Variants in RXFP1 observed in about 807,000 individuals in gnomAD.
The protein encoded by RXFP1 is relaxin receptor 1.
A neutral mutation model predicts 89.8 loss-of-function variants in RXFP1; 73 were observed. That is an observed-to-expected ratio of 0.81 (90% confidence interval 0.67 to 0.99). The LOEUF is 0.99. RXFP1 is among the 50% of genes least tolerant of loss of function. The pLI, the probability that RXFP1 is intolerant of heterozygous loss-of-function variation, is 0.00. For synonymous variants in RXFP1, 277 were observed against 305.5 expected (o/e 0.91, Z 0.97); for missense variants, 793 against 895.5 (o/e 0.89, Z 1.46).
intron 9 of RXFP1, 34 bp downstream of exon 9, chr4:158,617,239 C>G (rs769492012): frequency 6.7e-7 from 1 of 1,502,800 alleles, no homozygotes; most frequent in South Asian, 1.2e-5. Context: ...AAGAACTCAA[C>G]TAAATTTTCT....
chr4:158,646,823 G>A lies in RXFP1; in HGVS notation c.1378G>A (p.Val460Met), dbSNP rs201135183. 76 of 1,613,388 alleles carry A rather than the reference G, an allele frequency of 4.7e-5. No individual in the cohort carries two copies. The highest frequency in any genetic ancestry group is 3.2e-4 in the African/African-American group (24 of 75,018). ...ADCLMGIYLFVIGGFDLKFRG... is the reference protein window; with the variant it reads ...ADCLMGIYLFMIGGFDLKFRG... ...CTGCTTAATGGGAATATATTTATTC[G>A]TGATCGGAGGCTTTGACCTAAAGTT... Residue 460 changes from valine (V) to methionine (M), a missense_variant, in exon 16 of 18, where the codon GTG becomes ATG. Physicochemically the swap from Val to Met is conservative, Grantham distance 21. Transcript: ENST00000307765.
At chr4:158,601,773 C>T (rs532794692) in intron 4 of RXFP1, among the ~76,000 whole-genome samples, 3 of 152,240 alleles carry the variant, frequency 2.0e-5, no homozygotes, top group South Asian at 4.2e-4. Context: ...AGCTAATACT[C>T]CAAGTAATGT....
rs570646566 is a variant in RXFP1 at position 158,605,409 on chromosome 4, G to A, written c.464+270G>A. ...TCCTCCTACCACAATCCCCCAAAAC[G>A]GAGATACTTAGAAGCTTTTATCCTC... On this transcript the variant is annotated intron_variant, in intron 5 of 17. Coordinates refer to ENST00000307765, the MANE Select transcript of RXFP1 (RefSeq NM_021634.4). 1.6e-4 allele frequency among the ~76,000 whole-genome samples: 25 copies of A among 152,228 alleles called. No individual in the cohort carries two copies. The South Asian group carries it at 4.6e-3, about 28-fold the overall frequency.
At chr4:158,555,422 G>T (rs1561002427) in intron 1 of RXFP1, among the ~76,000 whole-genome samples, 1 of 152,128 alleles carries the variant, frequency 6.6e-6, no homozygotes, top group Non-Finnish European at 1.5e-5. Flanking sequence ...TATGAAAAGG[G>T]TGCAATTTAC....
chr4:158,601,007 A>G (rs1761572523), intron 4 of RXFP1, among the ~76,000 whole-genome samples: 3 of 152,246 alleles, frequency 2.0e-5, no homozygotes, highest in East Asian at 3.9e-4. Context: ...TTCAACCAAC[A>G]TTTGTAAAAT....
intron 6 of RXFP1, among the ~76,000 whole-genome samples, chr4:158,609,927 C>T (rs956041633): frequency 5.3e-5 from 8 of 152,140 alleles, no homozygotes; most frequent in Non-Finnish European, 8.8e-5. Context: ...AAAGTGTCCT[C>T]CCTCTCTTTT....
At chr4:158,565,918 AT>A (rs1386403161) in intron 1 of RXFP1, among the ~76,000 whole-genome samples, 5 of 152,362 alleles carry the variant, frequency 3.3e-5, no homozygotes, top group Admixed American at 1.3e-4. Flanking sequence ...ACTTGTGTGA[AT>A]TTTATGCCAA....
chr4:158,598,408 A>C (rs578025359), intron 3 of RXFP1, among the ~76,000 whole-genome samples: 1 of 152,230 alleles, frequency 6.6e-6, no homozygotes, highest in East Asian at 1.9e-4. Flanking sequence ...TGACCGCTGG[A>C]GACACTGGAG....
In RXFP1 at chr4:158,612,187, C is replaced by T. The variant is rs968777542; in HGVS notation, c.594C>T (p.His198=). 6.2e-7 allele frequency: 1 copy of T among 1,611,780 alleles called. No homozygotes were observed. The highest frequency in any genetic ancestry group is 1.3e-5 in the African/African-American group (1 of 74,848). ...AGCCGGGTGTTTTTGAAGATCTTCACAGACTAGAATGGCTGTATGTTTAAT... is the reference window on the plus strand; with the variant it reads ...AGCCGGGTGTTTTTGAAGATCTTCATAGACTAGAATGGCTGTATGTTTAAT... ...FLKPGVFEDL[H]RLEWLIIEDN... Residue 198 remains histidine (H), a synonymous_variant, in exon 7 of 18, where the codon CAC becomes CAT. Transcript: ENST00000307765.
intron 9 of RXFP1, among the ~76,000 whole-genome samples, chr4:158,621,409 A>G (rs1765614009): frequency 6.6e-6 from 1 of 152,222 alleles, no homozygotes; most frequent in Non-Finnish European, 1.5e-5. Flanking sequence ...CCAATATTGT[A>G]TGGTAAAGAG....
chr4:158,628,398 G>A (rs541116433), intron 10 of RXFP1, among the ~76,000 whole-genome samples: 11 of 152,190 alleles, frequency 7.2e-5, no homozygotes, highest in South Asian at 2.1e-4. Flanking sequence ...ACCATTTCTC[G>A]TGCAAAGCTC....
At chr4:158,640,403 TTG>T (rs1252699156) in intron 14 of RXFP1, among the ~76,000 whole-genome samples, 2 of 152,216 alleles carry the variant, frequency 1.3e-5, no homozygotes, top group East Asian at 3.9e-4. Flanking sequence ...GTTCTGTAAG[TTG>T]TAAGAGAAGC....
intron 14 of RXFP1, among the ~76,000 whole-genome samples, chr4:158,641,424 C>T (rs1770354501): frequency 6.6e-6 from 1 of 152,062 alleles, no homozygotes; most frequent in Non-Finnish European, 1.5e-5. Flanking sequence ...GAAATCAGAA[C>T]ACTATTATCA....
chr4:158,543,352 T>A (rs908236363), intron 1 of RXFP1, among the ~76,000 whole-genome samples: 1 of 152,190 alleles, frequency 6.6e-6, no homozygotes, highest in African/African-American at 2.4e-5. Context: ...AAAGCTGGAT[T>A]TTCCTCCAGT....
At chr4:158,551,150 C>G (rs1288447809) in intron 1 of RXFP1, among the ~76,000 whole-genome samples, 1 of 152,132 alleles carries the variant, frequency 6.6e-6, no homozygotes, top group African/African-American at 2.4e-5. Flanking sequence ...GAAAGAAACT[C>G]TGGCATTTGT....
At chr4:158,599,493 A>T in intron 4 of RXFP1, 62 bp downstream of exon 4, 1 of 1,254,916 alleles carries the variant, frequency 8.0e-7, no homozygotes, top group South Asian at 1.4e-5. Context: ...TTGTATTATA[A>T]TTAAGACCAT....
chr4:158,543,970 T>C, intron 1 of RXFP1: 2 of 985,482 alleles, frequency 2.0e-6, no homozygotes, highest in African/African-American at 1.7e-5. Context: ...TATTTTTGCA[T>C]TCTGCCATGT....
intron 14 of RXFP1, among the ~76,000 whole-genome samples, chr4:158,641,738 T>C (rs776305085): frequency 4.6e-5 from 7 of 152,192 alleles, no homozygotes; most frequent in Non-Finnish European, 1.0e-4. Flanking sequence ...CACATGGCTT[T>C]ATAGACAAAT....
At chr4:158,610,662 A>AC (rs1260184440) in intron 6 of RXFP1, 2 of 1,289,202 alleles carry the variant, frequency 1.6e-6, no homozygotes, top group African/African-American at 3.0e-5. Context: ...GGCTCTGAAA[A>AC]ATGAAGAGGA....
Sources: allele counts gnomAD v4.1 joint callset (sites outside exome capture counted in the v4.1 genomes callset), GRCh38; gene constraint gnomAD v4.1.1; transcripts MANE v1.5; gene names NCBI Gene and HGNC (gene_info 2026-07-23, HGNC 2026-07-21).